MCPH1: variants seen among roughly 807,000 people sequenced by gnomAD.
The protein encoded by MCPH1 is microcephalin 1, also known as microcephalin.
A neutral mutation model predicts 84.5 loss-of-function variants in MCPH1; 104 were observed. The ratio of observed to expected loss-of-function variants is 1.23; its 90% CI spans 1.05 to 1.45. The LOEUF (loss-of-function observed/expected upper bound fraction) is 1.45. Ranked by LOEUF, MCPH1 falls within the 40% of genes most tolerant of loss-of-function variation. MCPH1 has a pLI of 0.00. For synonymous variants in MCPH1, 514 were observed against 366.8 expected (o/e 1.40, Z -4.58); for missense variants, 1,498 against 1,005.7 (o/e 1.49, Z -6.62).
At chr8:6,623,507 C>G (rs1367690701) in intron 13 of MCPH1, among the ~76,000 whole-genome samples, 2 of 151,962 alleles carry the variant, frequency 1.3e-5, no homozygotes, top group African/African-American at 4.8e-5. Flanking sequence ...AACATTATCC[C>G]TTAATAGACA....
intron 3 of MCPH1, among the ~76,000 whole-genome samples, chr8:6,418,415 A>G (rs1011114328): frequency 2.0e-5 from 3 of 151,846 alleles, no homozygotes; most frequent in East Asian, 1.9e-4. Flanking sequence ...TTTTTCCTGT[A>G]TTTCCAGGAC....
chr8:6,568,276 C>G (rs980906950), intron 12 of MCPH1, among the ~76,000 whole-genome samples: 2 of 151,944 alleles, frequency 1.3e-5, no homozygotes. Flanking sequence ...GGACCCATCG[C>G]TAGCTGAATG....
chr8:6,449,628 C>T (rs556138660), intron 8 of MCPH1, among the ~76,000 whole-genome samples: 18 of 151,204 alleles, frequency 1.2e-4, no homozygotes, highest in South Asian at 4.2e-4. Context: ...AGTGAAACTC[C>T]GTCTCAAAAA....
At chr8:6,579,407 C>A (rs1168036380) in intron 12 of MCPH1, among the ~76,000 whole-genome samples, 4 of 152,226 alleles carry the variant, frequency 2.6e-5, no homozygotes, top group African/African-American at 4.8e-5. Flanking sequence ...CGCTCGGTCT[C>A]ACTTTTAGAT....
At chr8:6,535,552 A>C (rs1218086103) in intron 12 of MCPH1, among the ~76,000 whole-genome samples, 1 of 152,228 alleles carries the variant, frequency 6.6e-6, no homozygotes, top group Non-Finnish European at 1.5e-5. Flanking sequence ...TTACAAATAC[A>C]CATGATGTGT....
At chr8:6,430,695 G>C (rs935602733) in intron 3 of MCPH1, among the ~76,000 whole-genome samples, 3 of 152,196 alleles carry the variant, frequency 2.0e-5, no homozygotes, top group Non-Finnish European at 4.4e-5. Context: ...AGTTGGAGAG[G>C]TGAGTAGAGG....
intron 3 of MCPH1, among the ~76,000 whole-genome samples, chr8:6,426,428 A>G (rs566006901): frequency 1.3e-5 from 2 of 152,276 alleles, no homozygotes; most frequent in Non-Finnish European, 2.9e-5. Context: ...GGGGCTTCAG[A>G]TCAGTGGAAT....
At chr8:6,516,084 C>T (rs1318026973) in intron 12 of MCPH1, among the ~76,000 whole-genome samples, 1 of 152,166 alleles carries the variant, frequency 6.6e-6, no homozygotes, top group East Asian at 1.9e-4. Flanking sequence ...TTGCCTTCCC[C>T]AGTGGCACTC....
chr8:6,428,652 A>G (rs1310544926), intron 3 of MCPH1, among the ~76,000 whole-genome samples: 2 of 152,168 alleles, frequency 1.3e-5, no homozygotes. Flanking sequence ...CTCTTAGCAT[A>G]ATGTTTTCAA....
intron 12 of MCPH1, among the ~76,000 whole-genome samples, chr8:6,588,361 T>C (rs1351846429): frequency 6.6e-6 from 1 of 151,326 alleles, no homozygotes; most frequent in African/African-American, 2.4e-5. Context: ...TTTTTAAGTG[T>C]AAAATGGGAC....
rs779174052 is a variant in MCPH1, at chr8:6,436,106, T to C, written c.380T>C (p.Phe127Ser). 6.2e-7 allele frequency: 1 copy of C among 1,613,796 alleles called. No individual in the cohort carries two copies. Among genetic ancestry groups the C allele is most frequent in the South Asian group, 1.1e-5 (1 of 91,056 alleles). Residue 127 changes from phenylalanine to serine, a missense_variant, in exon 5 of 14, where the codon TTT becomes TCT. Coordinates refer to ENST00000344683, the MANE Select transcript of MCPH1 (RefSeq NM_024596.5). The stretch of plus-strand genomic sequence containing the variant: ...AAAACACCAGAAAATGATAAGAGAT[T>C]TCAGAAGAAATTTGAGAAAATGGCT... Reference protein sequence around the residue: ...NFKTPENDKRFQKKFEKMAKE... With the variant: ...NFKTPENDKRSQKKFEKMAKE...
chr8:6,564,383 C>A (rs1484329092), intron 12 of MCPH1, among the ~76,000 whole-genome samples: 4 of 152,184 alleles, frequency 2.6e-5, no homozygotes, highest in African/African-American at 7.2e-5. Context: ...AGTCACTTCC[C>A]TGTTTTAATT....
chr8:6,485,858 G>A (rs1032559360), intron 11 of MCPH1, among the ~76,000 whole-genome samples: 4 of 152,124 alleles, frequency 2.6e-5, no homozygotes, highest in Non-Finnish European at 4.4e-5. Context: ...AATGGTAACC[G>A]CAATGGTAAC....
chr8:6,537,953 T>C (rs1192171852), intron 12 of MCPH1, among the ~76,000 whole-genome samples: 1 of 152,158 alleles, frequency 6.6e-6, no homozygotes, highest in Non-Finnish European at 1.5e-5. Context: ...CTGAGTGACC[T>C]AAGGTGGACA....
intron 8 of MCPH1, among the ~76,000 whole-genome samples, chr8:6,449,491 G>C (rs1348059403): frequency 6.6e-6 from 1 of 152,142 alleles, no homozygotes; most frequent in Non-Finnish European, 1.5e-5. Context: ...AAATTAGCCA[G>C]GCGTGGTGGC....
chr8:6,468,695 C>T (rs180789632), intron 9 of MCPH1, among the ~76,000 whole-genome samples: 1 of 145,916 alleles, frequency 6.9e-6, no homozygotes. Context: ...TTATCCAAGA[C>T]AGTAAGTATT....
At chr8:6,522,830 C>G (rs1376340714) in intron 12 of MCPH1, among the ~76,000 whole-genome samples, 1 of 151,836 alleles carries the variant, frequency 6.6e-6, no homozygotes, top group South Asian at 2.1e-4. Flanking sequence ...TACCTAAAGT[C>G]ACACACAGCA....
chr8:6,547,003 C>T (rs374934606), intron 12 of MCPH1, among the ~76,000 whole-genome samples: 5 of 152,160 alleles, frequency 3.3e-5, no homozygotes, highest in East Asian at 3.9e-4. Context: ...TTTATAACCA[C>T]GGTGTACCTC....
intron 8 of MCPH1, among the ~76,000 whole-genome samples, chr8:6,447,643 C>T (rs1213214370): frequency 1.3e-5 from 2 of 152,072 alleles, no homozygotes; most frequent in East Asian, 1.9e-4. Context: ...CTCCGCCTCC[C>T]GAGTTCAAGC....
Sources: gnomAD v4.1 joint callset for allele counts (sites outside exome capture counted in the v4.1 genomes callset) on GRCh38, gnomAD v4.1.1 for gene constraint, MANE v1.5 for transcripts, NCBI Gene and HGNC (gene_info 2026-07-23, HGNC 2026-07-21) for gene names.